Variants in MGAT5 observed in about 807,000 individuals in gnomAD.
MGAT5 encodes alpha-1,6-mannosylglycoprotein 6-beta-N-acetylglucosaminyltransferase A.
Under a neutral mutation model 94.3 loss-of-function variants are expected in MGAT5, and 30 were observed. The ratio of observed to expected loss-of-function variants is 0.32; its 90% CI spans 0.24 to 0.43. The LOEUF is 0.43. Ranked by LOEUF, MGAT5 falls within the 20% of genes least tolerant of loss-of-function variation. MGAT5 has a pLI of 1.00. For missense variants in MGAT5, 691 were observed against 905.5 expected (o/e 0.76, Z 3.04); for synonymous variants, 310 against 322.9 (o/e 0.96, Z 0.43).
Position 134,365,738 on chromosome 2 carries a change from A to T in MGAT5, c.1380+3330A>T, listed in dbSNP as rs141546225. 4.4e-3 allele frequency among the ~76,000 whole-genome samples: 665 copies of T among 152,198 alleles called. 5 individuals carry two copies. The highest frequency in any genetic ancestry group is 0.015 in the African/African-American group (614 of 41,516). On this transcript the variant is annotated intron_variant, in intron 10 of 15. Transcript: ENST00000281923. ...TGGCAGCTTTCTTTTCCCAGATTAT[A>T]TATCCTTTCTCACACTCTGGTCTTG...
intron 1 of MGAT5, among the ~76,000 whole-genome samples, chr2:134,238,450 G>C (rs1681779099): frequency 6.6e-6 from 1 of 152,202 alleles, no homozygotes; most frequent in South Asian, 2.1e-4. Context: ...GATAGCAAAT[G>C]ACACATGTGG....
At chr2:134,138,572 A>C (rs761773484) in intron 1 of MGAT5, among the ~76,000 whole-genome samples, 12 of 152,218 alleles carry the variant, frequency 7.9e-5, no homozygotes, top group Non-Finnish European at 1.3e-4. Flanking sequence ...AGGACCTCAC[A>C]CATGCAGATG....
chr2:134,380,164 GT>G (rs1558840400), intron 10 of MGAT5, among the ~76,000 whole-genome samples: 1 of 152,154 alleles, frequency 6.6e-6, no homozygotes, highest in Non-Finnish European at 1.5e-5. Context: ...AGCACTAAGG[GT>G]TTAAGAGGTC....
intron 3 of MGAT5, 141 bp from the exon 4 acceptor site, chr2:134,318,509 G>T: frequency 1.5e-6 from 1 of 659,974 alleles, no homozygotes; most frequent in Non-Finnish European, 2.7e-6. Flanking sequence ...CTTGACCTCG[G>T]CTCAGTGACC....
At chr2:134,150,157 G>T (rs1011474437) in intron 1 of MGAT5, among the ~76,000 whole-genome samples, 1 of 152,192 alleles carries the variant, frequency 6.6e-6, no homozygotes, top group African/African-American at 2.4e-5. Context: ...GCACTGTGAG[G>T]CTCCTGGCAG....
intron 2 of MGAT5, among the ~76,000 whole-genome samples, chr2:134,279,302 G>A (rs16830318): frequency 0.092 from 13,905 of 151,930 alleles, 1,493 homozygotes; most frequent in African/African-American, 0.25. Context: ...TGTTAAGACC[G>A]GAAGAGCCTT....
intron 1 of MGAT5, among the ~76,000 whole-genome samples, chr2:134,155,470 C>T (rs1373804089): frequency 1.3e-5 from 2 of 152,194 alleles, no homozygotes; most frequent in African/African-American, 4.8e-5. Flanking sequence ...GTGTCCTCAT[C>T]TGTAAAGTGG....
intron 6 of MGAT5, among the ~76,000 whole-genome samples, chr2:134,340,672 G>A (rs2105999936): frequency 6.6e-6 from 1 of 152,274 alleles, no homozygotes; most frequent in South Asian, 2.1e-4. Flanking sequence ...AATGGTTGAT[G>A]AGGGGTAGTT....
intron 11 of MGAT5, among the ~76,000 whole-genome samples, chr2:134,408,954 TGTAA>T (rs1683493784): frequency 6.6e-6 from 1 of 152,246 alleles, no homozygotes; most frequent in Non-Finnish European, 1.5e-5. Context: ...TGGCAGTCAC[TGTAA>T]ACCATATCAT....
chr2:134,379,160 A>G (rs1681383157), intron 10 of MGAT5, among the ~76,000 whole-genome samples: 1 of 152,054 alleles, frequency 6.6e-6, no homozygotes, highest in African/African-American at 2.4e-5. Context: ...CTTTCTCCCT[A>G]TGTCTACACT....
intron 9 of MGAT5, among the ~76,000 whole-genome samples, chr2:134,355,285 A>G (rs1411076743): frequency 1.3e-5 from 2 of 152,190 alleles, no homozygotes; most frequent in African/African-American, 4.8e-5. Flanking sequence ...AGTTTTACAT[A>G]CTTGTCACAT....
chr2:134,176,614 T>G (rs1037882872), intron 1 of MGAT5, among the ~76,000 whole-genome samples: 1 of 141,576 alleles, frequency 7.1e-6, no homozygotes, highest in Non-Finnish European at 1.5e-5. Context: ...CATCAAGAAC[T>G]GATAAGAATA....
At chr2:134,216,680 A>G (rs1440080070) in intron 1 of MGAT5, among the ~76,000 whole-genome samples, 3 of 152,262 alleles carry the variant, frequency 2.0e-5, no homozygotes, top group Non-Finnish European at 2.9e-5. Flanking sequence ...CACACCTGAC[A>G]TAGGAAGGTG....
intron 8 of MGAT5, among the ~76,000 whole-genome samples, chr2:134,349,367 G>A (rs939738958): frequency 2.4e-4 from 37 of 152,168 alleles, no homozygotes; most frequent in African/African-American, 8.9e-4. Flanking sequence ...ATTGCTCCTA[G>A]AGATAACACG....
chr2:134,217,573 G>A (rs10496723), intron 1 of MGAT5, among the ~76,000 whole-genome samples: 3,386 of 152,278 alleles, frequency 0.022, 53 homozygotes, highest in Middle Eastern at 0.048. Context: ...AACCTCAGTA[G>A]GAACATTCAT....
chr2:134,404,128 A>G (rs781178818), intron 11 of MGAT5, among the ~76,000 whole-genome samples: 3 of 152,202 alleles, frequency 2.0e-5, no homozygotes, highest in African/African-American at 7.2e-5. Context: ...AGTAGCTGCA[A>G]TGTGCTAGGC....
intron 1 of MGAT5, among the ~76,000 whole-genome samples, chr2:134,136,444 G>A (rs1250448415): frequency 6.6e-6 from 1 of 152,118 alleles, no homozygotes; most frequent in Non-Finnish European, 1.5e-5. Context: ...GCGGGTGCCT[G>A]TAATCCCAGC....
intron 4 of MGAT5, among the ~76,000 whole-genome samples, chr2:134,326,429 T>C (rs567458957): frequency 6.6e-6 from 1 of 152,170 alleles, no homozygotes; most frequent in East Asian, 1.9e-4. Flanking sequence ...TAGTTTGTAA[T>C]AGTTTTCTTG....
At chr2:134,288,811 A>C (rs916438250) in intron 2 of MGAT5, among the ~76,000 whole-genome samples, 2 of 152,058 alleles carry the variant, frequency 1.3e-5, no homozygotes, top group Non-Finnish European at 2.9e-5. Context: ...CCTGACAGCC[A>C]CCCATTCCCC....
Sources: gnomAD v4.1 joint callset for allele counts (sites outside exome capture counted in the v4.1 genomes callset) on GRCh38, gnomAD v4.1.1 for gene constraint, MANE v1.5 for transcripts, NCBI Gene and HGNC (gene_info 2026-07-23, HGNC 2026-07-21) for gene names.